Variants in EDA observed in about 807,000 individuals in gnomAD.
EDA encodes ectodysplasin A.
A neutral mutation model predicts 23.6 loss-of-function variants in EDA; 2 were observed. The ratio of observed to expected loss-of-function variants is 0.08; its 90% CI spans 0.03 to 0.27. The LOEUF (loss-of-function observed/expected upper bound fraction) is 0.27, where lower values mean the gene tolerates loss of function less well. EDA is among the 10% of genes least tolerant of loss of function. The probability of loss-of-function intolerance (pLI) is 1.00; values close to 1 mark genes in which losing one functional copy is unlikely to be tolerated. For synonymous variants in EDA, 131 were observed against 132.0 expected, an observed-to-expected ratio of 0.99 and a Z score of 0.05; for missense variants, 229 against 324.2, an observed-to-expected ratio of 0.71 and a Z score of 2.26.
chrX:69,973,645 C>T (rs1252346523), intron 2 of EDA, among the ~76,000 whole-genome samples: 1 of 111,685 alleles, frequency 9.0e-6, no homozygotes, highest in Non-Finnish European at 1.9e-5. Flanking sequence ...TCTCAAAAGA[C>T]ATTCTTCCAT....
chrX:69,859,147 G>A (rs1291201474), intron 1 of EDA, among the ~76,000 whole-genome samples: 3 of 110,344 alleles, frequency 2.7e-5, no homozygotes, highest in Admixed American at 9.7e-5. Flanking sequence ...TTTAGCTAGT[G>A]GTATGTCTAT....
At chrX:69,671,984 G>T (rs753610375) in intron 1 of EDA, among the ~76,000 whole-genome samples, 1 of 111,901 alleles carries the variant, frequency 8.9e-6, no homozygotes, top group African/African-American at 3.2e-5. Flanking sequence ...CAAAGACCAG[G>T]TCTTAAATAT....
At chrX:69,961,345 T>A (rs917505592) in intron 2 of EDA, among the ~76,000 whole-genome samples, 2 of 111,449 alleles carry the variant, frequency 1.8e-5, no homozygotes, top group African/African-American at 3.3e-5. Flanking sequence ...GAGAAAAAAA[T>A]TTTTATAAAC....
At chrX:69,799,468 TTAATAACCAGAA>T (rs1569336541) in intron 1 of EDA, among the ~76,000 whole-genome samples, 3 of 110,655 alleles carry the variant, frequency 2.7e-5, no homozygotes, top group Admixed American at 1.9e-4. Flanking sequence ...TGACAATGGA[TTAATAACCAGAA>T]TACATAAGGA....
At chrX:69,711,033 A>G (rs1396600935) in intron 1 of EDA, among the ~76,000 whole-genome samples, 1 of 111,343 alleles carries the variant, frequency 9.0e-6, no homozygotes, top group Non-Finnish European at 1.9e-5. Context: ...CACTATGTTG[A>G]ATAGGAGTGG....
At chrX:69,963,547 C>T (rs2019133277) in intron 2 of EDA, among the ~76,000 whole-genome samples, 1 of 112,310 alleles carries the variant, frequency 8.9e-6, no homozygotes, top group South Asian at 3.7e-4. Flanking sequence ...CACAGCAGAA[C>T]ACTCTGGAGA....
At chrX:69,708,985 G>A (rs950071345) in intron 1 of EDA, among the ~76,000 whole-genome samples, 19 of 111,232 alleles carry the variant, frequency 1.7e-4, no homozygotes, top group Non-Finnish European at 3.4e-4. Context: ...CATGTGCAAA[G>A]GTCCTGAGTC....
At chrX:69,766,009 C>G (rs1466736602) in intron 1 of EDA, among the ~76,000 whole-genome samples, 1 of 112,040 alleles carries the variant, frequency 8.9e-6, no homozygotes, top group Non-Finnish European at 1.9e-5. Flanking sequence ...TTGTTTTTCA[C>G]TGAGCACGAT....
chrX:69,865,247 T>C (rs1012922782), intron 1 of EDA, among the ~76,000 whole-genome samples: 2 of 110,154 alleles, frequency 1.8e-5, no homozygotes, highest in African/African-American at 6.6e-5. Context: ...TTAGTCAGGG[T>C]TTTCTTAGAC....
At chrX:69,730,195 G>A (rs1362807192) in intron 1 of EDA, among the ~76,000 whole-genome samples, 1 of 111,128 alleles carries the variant, frequency 9.0e-6, no homozygotes, top group African/African-American at 3.3e-5. Context: ...TCTTCCTTTT[G>A]AATGAGAGGG....
At chrX:69,667,399 C>A (rs778622562) in intron 1 of EDA, among the ~76,000 whole-genome samples, 2 of 111,052 alleles carry the variant, frequency 1.8e-5, no homozygotes, top group Non-Finnish European at 3.8e-5. Context: ...AGGCGTGAGC[C>A]ACCGTGCCTG....
chrX:69,638,543 T>A (rs1381488118), intron 1 of EDA, among the ~76,000 whole-genome samples: 1 of 112,206 alleles, frequency 8.9e-6, no homozygotes, highest in African/African-American at 3.2e-5. Flanking sequence ...TTGATAACTG[T>A]GCAAATGATT....
At chrX:69,866,557 T>C (rs2017488951) in intron 1 of EDA, among the ~76,000 whole-genome samples, 1 of 111,503 alleles carries the variant, frequency 9.0e-6, no homozygotes, top group South Asian at 3.9e-4. Flanking sequence ...GGGGTGATGG[T>C]AAGTGGTGCC....
chrX:69,958,789 C>T (rs1258477428), intron 2 of EDA, among the ~76,000 whole-genome samples: 3 of 111,457 alleles, frequency 2.7e-5, no homozygotes, highest in Non-Finnish European at 5.7e-5. Context: ...ACCCTTTCCT[C>T]TCCTAATCAT....
At chrX:69,857,099 A>G (rs1051931497) in intron 1 of EDA, among the ~76,000 whole-genome samples, 3 of 111,594 alleles carry the variant, frequency 2.7e-5, no homozygotes, top group Non-Finnish European at 3.8e-5. Context: ...TGGCTTGCCA[A>G]TTATCCCAGA....
At chrX:69,691,324 G>T (rs1235321280) in intron 1 of EDA, among the ~76,000 whole-genome samples, 3 of 111,928 alleles carry the variant, frequency 2.7e-5, no homozygotes, top group African/African-American at 9.7e-5. Flanking sequence ...TTCAGTAAAT[G>T]CTTGTATCTT....
At chrX:69,920,282 C>T (rs1212355421) in intron 1 of EDA, among the ~76,000 whole-genome samples, 3 of 110,843 alleles carry the variant, frequency 2.7e-5, no homozygotes, top group African/African-American at 9.8e-5. Context: ...ACAGAGTCCC[C>T]ATATACTCTA....
chrX:69,921,686 G>T (rs1285150908), intron 1 of EDA, among the ~76,000 whole-genome samples: 1 of 110,575 alleles, frequency 9.0e-6, no homozygotes, highest in African/African-American at 3.3e-5. Context: ...AATTACTTAG[G>T]TTGGGCCTTT....
intron 1 of EDA, among the ~76,000 whole-genome samples, chrX:69,799,814 C>A (rs867953778): frequency 1.4e-4 from 14 of 99,989 alleles, no homozygotes; most frequent in East Asian, 3.1e-4. Context: ...GCAGATTTCT[C>A]AAAAAAAAAA....
Sources: gnomAD v4.1 joint callset for allele counts (sites outside exome capture counted in the v4.1 genomes callset) on GRCh38, gnomAD v4.1.1 for gene constraint, MANE v1.5 for transcripts, NCBI Gene and HGNC (gene_info 2026-07-23, HGNC 2026-07-21) for gene names.